Variants in UBASH3B observed in about 807,000 individuals in gnomAD.
UBASH3B encodes the protein ubiquitin associated and SH3 domain containing B.
Under a neutral mutation model 83.4 loss-of-function variants are expected in UBASH3B, and 37 were observed. The observed-to-expected ratio is 0.44, with a 90% CI of 0.34 to 0.58. The LOEUF is 0.58. UBASH3B is among the 20% of genes least tolerant of loss of function. The pLI is 0.01. For missense variants in UBASH3B, 657 were observed against 827.2 expected (o/e 0.79, Z 2.52); for synonymous variants, 304 against 318.3 (o/e 0.96, Z 0.48).
intron 5 of UBASH3B, among the ~76,000 whole-genome samples, chr11:122,786,141 C>T (rs1000989818): frequency 6.6e-6 from 1 of 152,122 alleles, no homozygotes; most frequent in Non-Finnish European, 1.5e-5. Flanking sequence ...CTTCCGCCTC[C>T]TGGGTTCACG....
At chr11:122,686,034 C>T (rs928470871) in intron 1 of UBASH3B, among the ~76,000 whole-genome samples, 7 of 152,122 alleles carry the variant, frequency 4.6e-5, no homozygotes, top group East Asian at 3.9e-4. Context: ...GCCTGCCTGG[C>T]GCTCTTTCTG....
chr11:122,722,309 G>A (rs1435631788), intron 1 of UBASH3B, among the ~76,000 whole-genome samples: 1 of 152,208 alleles, frequency 6.6e-6, no homozygotes, highest in Non-Finnish European at 1.5e-5. Context: ...ACTGATAGGT[G>A]TCCTGGTTCT....
chr11:122,781,067 C>T (rs1164738963), intron 4 of UBASH3B, among the ~76,000 whole-genome samples: 4 of 152,098 alleles, frequency 2.6e-5, no homozygotes, highest in East Asian at 3.9e-4. Flanking sequence ...TGAGTGGGAT[C>T]GGGGCTCAGT....
At chr11:122,778,514 T>C (rs1860781473) in intron 3 of UBASH3B, among the ~76,000 whole-genome samples, 1 of 151,706 alleles carries the variant, frequency 6.6e-6, no homozygotes, top group Non-Finnish European at 1.5e-5. Context: ...AACACGCAGC[T>C]TCTCCTGGGA....
intron 1 of UBASH3B, among the ~76,000 whole-genome samples, chr11:122,674,978 C>T (rs774629544): frequency 7.2e-5 from 11 of 152,114 alleles, no homozygotes; most frequent in Non-Finnish European, 1.5e-4. Flanking sequence ...ATCCACCCAC[C>T]TTCGTCTCCC....
At chr11:122,692,753 T>A (rs1318428129) in intron 1 of UBASH3B, among the ~76,000 whole-genome samples, 1 of 152,188 alleles carries the variant, frequency 6.6e-6, no homozygotes, top group East Asian at 1.9e-4. Flanking sequence ...CTATGGAGTG[T>A]CAACTAATGC....
intron 1 of UBASH3B, among the ~76,000 whole-genome samples, chr11:122,667,037 C>CTTTT (rs148029449): frequency 1.1e-3 from 116 of 101,476 alleles, no homozygotes; most frequent in East Asian, 2.7e-3. Context: ...TAATGGCATT[C>CTTTT]TTTTTTTTTT....
intron 2 of UBASH3B, among the ~76,000 whole-genome samples, 178 bp from the exon 3 acceptor site, chr11:122,776,846 T>G (rs1860743052): frequency 6.6e-6 from 1 of 152,204 alleles, no homozygotes; most frequent in African/African-American, 2.4e-5. Flanking sequence ...TTGCTGCATC[T>G]GAGAATTGGT....
intron 1 of UBASH3B, among the ~76,000 whole-genome samples, chr11:122,688,978 C>CGG (rs60342970): frequency 1.5e-4 from 21 of 135,550 alleles, no homozygotes; most frequent in African/African-American, 6.4e-4. Context: ...GGCGGGGAGG[C>CGG]GGGGGGGGGG....
intron 4 of UBASH3B, among the ~76,000 whole-genome samples, chr11:122,779,964 C>A (rs1860822277): frequency 6.6e-6 from 1 of 152,202 alleles, no homozygotes; most frequent in Non-Finnish European, 1.5e-5. Context: ...CAAATGACTT[C>A]CATACTGAAC....
intron 4 of UBASH3B, 148 bp downstream of exon 4, chr11:122,779,843 T>G (rs1250680568): frequency 6.8e-6 from 6 of 888,706 alleles, no homozygotes; most frequent in Non-Finnish European, 8.5e-6. Context: ...AAAACAGCCT[T>G]TTCCTGCAGC....
At chr11:122,805,305 G>A (rs981613164) in intron 11 of UBASH3B, among the ~76,000 whole-genome samples, 26 of 152,158 alleles carry the variant, frequency 1.7e-4, no homozygotes, top group Non-Finnish European at 2.4e-4. Context: ...CGAGGTGGGC[G>A]GATCATCTGA....
Position 122,776,175 on chromosome 11 carries a change from G to A in UBASH3B, c.162-44G>A, listed in dbSNP as rs772180811. On this transcript the variant is annotated intron_variant, in intron 1 of 13. Coordinates refer to ENST00000284273, the MANE Select transcript of UBASH3B (RefSeq NM_032873.5). Reference sequence around the variant, plus strand: ...TCAGCTCTTGCCACTGCAGGGAGAGGAGGCTAAAAATATTAACAATAGAAA... The same window carrying A: ...TCAGCTCTTGCCACTGCAGGGAGAGAAGGCTAAAAATATTAACAATAGAAA... The A allele has an allele frequency of 1.9e-6, 3 of 1,590,662 alleles. No individual in the cohort carries two copies. In the Admixed American group the frequency reaches 5.1e-5, roughly 27 times the overall value.
At chr11:122,798,542 C>A (rs1861191180) in intron 9 of UBASH3B, among the ~76,000 whole-genome samples, 1 of 151,938 alleles carries the variant, frequency 6.6e-6, no homozygotes, top group Non-Finnish European at 1.5e-5. Flanking sequence ...GAAACCCCAT[C>A]TCTACTAAAA....
At chr11:122,763,655 G>A (rs1032726891) in intron 1 of UBASH3B, among the ~76,000 whole-genome samples, 1 of 152,120 alleles carries the variant, frequency 6.6e-6, no homozygotes, top group African/African-American at 2.4e-5. Context: ...ATTGTGGGAT[G>A]TGCAGCTCTC....
chr11:122,676,228 C>A (rs1033738899), intron 1 of UBASH3B, among the ~76,000 whole-genome samples: 3 of 151,642 alleles, frequency 2.0e-5, no homozygotes, highest in Middle Eastern at 3.2e-3. Flanking sequence ...CAAGGAGAAA[C>A]CCCGTCTTTA....
intron 6 of UBASH3B, among the ~76,000 whole-genome samples, chr11:122,792,393 A>G (rs964528824): frequency 4.0e-5 from 6 of 148,394 alleles, no homozygotes; most frequent in African/African-American, 1.2e-4. Context: ...ATGTTAGCTC[A>G]CTGTAACCTC....
At chr11:122,661,866 A>C (rs1297959857) in intron 1 of UBASH3B, among the ~76,000 whole-genome samples, 4 of 151,104 alleles carry the variant, frequency 2.6e-5, no homozygotes, top group Admixed American at 6.6e-5. Flanking sequence ...TTCCAAAAAA[A>C]AAAAAAACAA....
chr11:122,734,453 A>G (rs994313745), intron 1 of UBASH3B, among the ~76,000 whole-genome samples: 1 of 152,038 alleles, frequency 6.6e-6, no homozygotes, highest in Non-Finnish European at 1.5e-5. Flanking sequence ...TGGTGTTCAT[A>G]GATTTACTAG....
Sources: allele counts gnomAD v4.1 joint callset (sites outside exome capture counted in the v4.1 genomes callset), GRCh38; gene constraint gnomAD v4.1.1; transcripts MANE v1.5; gene names NCBI Gene and HGNC (gene_info 2026-07-23, HGNC 2026-07-21).